Variants in GRHL1 observed in about 807,000 individuals in gnomAD.
The protein encoded by GRHL1 is grainyhead like transcription factor 1, also known as grainyhead-like protein 1 homolog.
GRHL1 carries 38 observed loss-of-function variants against 75.7 expected under a neutral mutation model. The observed-to-expected ratio is 0.50, with a 90% CI of 0.39 to 0.66. The LOEUF (loss-of-function observed/expected upper bound fraction) is 0.66, where lower values mean the gene tolerates loss of function less well. Ranked by LOEUF, GRHL1 falls within the 30% of genes least tolerant of loss-of-function variation. The pLI, the probability that GRHL1 is intolerant of heterozygous loss-of-function variation, is 0.00. For synonymous variants in GRHL1, 266 were observed against 279.4 expected, an observed-to-expected ratio of 0.95 and a Z score of 0.48; for missense variants, 589 against 767.5, an observed-to-expected ratio of 0.77 and a Z score of 2.75.
At chr2:9,963,415 A>G (rs542177357) in intron 5 of GRHL1, among the ~76,000 whole-genome samples, 2 of 152,362 alleles carry the variant, frequency 1.3e-5, no homozygotes, top group Admixed American at 1.3e-4. Flanking sequence ...CTTTAGGGGC[A>G]TATATGAGTG....
chr2:9,951,767 C>A lies in GRHL1; in HGVS notation c.-67C>A. On this transcript the variant is annotated 5_prime_UTR_variant, in exon 1 of 16. Coordinates refer to ENST00000324907, the MANE Select transcript of GRHL1 (RefSeq NM_198182.3). This position sits in a 1 kb window ranked among gnomAD's most constrained non-coding sequence, Gnocchi z 4.2. Reference sequence around the variant, plus strand: ...CAGCCGCCGCCGCCGCCTCCTCCCCCCGGATCGGGTGTACTGTCCCAACCC... The same window carrying A: ...CAGCCGCCGCCGCCGCCTCCTCCCCACGGATCGGGTGTACTGTCCCAACCC... 1.4e-6 allele frequency: 2 copies of A among 1,452,410 alleles called. No homozygotes were observed. The highest frequency in any genetic ancestry group is 1.8e-6 in the Non-Finnish European group (2 of 1,086,312). 90.0% of individuals were successfully genotyped at this position (1,452,410 alleles called of 1,614,324 possible).
chr2:9,975,467 T>A (rs1472884141), intron 8 of GRHL1, among the ~76,000 whole-genome samples: 5 of 152,202 alleles, frequency 3.3e-5, no homozygotes, highest in Non-Finnish European at 1.5e-5. Context: ...ATTCAGGGGA[T>A]ATAAATAGTC....
intron 3 of GRHL1, chr2:9,960,076 C>T (rs995713748): frequency 2.0e-5 from 3 of 152,120 alleles, no homozygotes; most frequent in African/African-American, 7.2e-5. Context: ...ATTTATCAAA[C>T]CAAAATTTAA....
At chr2:9,972,230 C>T (rs1667756880) in intron 8 of GRHL1, among the ~76,000 whole-genome samples, 1 of 151,384 alleles carries the variant, frequency 6.6e-6, no homozygotes, top group African/African-American at 2.4e-5. Context: ...CCCCTTCCTC[C>T]ACCCTGTCAC....
rs947771433 is a variant in GRHL1 at position 9,990,930 on chromosome 2, G to T, written c.1321+183G>T. On this transcript the variant is annotated intron_variant, in intron 10 of 15. Transcript: ENST00000324907. This position sits in a 1 kb window ranked among gnomAD's most constrained non-coding sequence, Gnocchi z 4.2. ...GATCAGCAGCAGATGCCAGCTCAGCGGGAGGGGTTTTCCTGGGGACTACAG... is the reference window on the plus strand; with the variant it reads ...GATCAGCAGCAGATGCCAGCTCAGCTGGAGGGGTTTTCCTGGGGACTACAG... Among the ~76,000 whole-genome samples the T allele has an allele frequency of 7.2e-6, 1 of 139,366 alleles. No individual in the cohort carries two copies. The highest frequency in any genetic ancestry group is 2.7e-5 in the African/African-American group (1 of 36,494). The allele number at this position is 139,366 out of a possible 152,430, so 91.4% of individuals were successfully genotyped here. A position where few individuals can be genotyped will look rare whatever the true frequency, so the allele number is the denominator to read the frequency against.
intron 8 of GRHL1, among the ~76,000 whole-genome samples, chr2:9,973,107 T>G (rs1667802098): frequency 6.6e-6 from 1 of 152,212 alleles, no homozygotes; most frequent in East Asian, 1.9e-4. Flanking sequence ...CTGCCAATTC[T>G]TTTTCTTTTC....
intron 13 of GRHL1, 134 bp downstream of exon 13, chr2:9,996,104 A>G: frequency 1.4e-6 from 1 of 736,088 alleles, no homozygotes; most frequent in South Asian, 1.6e-5. Context: ...ACTGACATCT[A>G]GCTTGAGCTA....
chr2:9,975,332 T>C (rs1667902541), intron 8 of GRHL1, among the ~76,000 whole-genome samples: 1 of 152,156 alleles, frequency 6.6e-6, no homozygotes, highest in Admixed American at 6.5e-5. Context: ...AAACTAAAAG[T>C]GAATACACAC....
At chr2:9,978,593 T>C (rs1362321034) in intron 8 of GRHL1, among the ~76,000 whole-genome samples, 2 of 152,230 alleles carry the variant, frequency 1.3e-5, no homozygotes, top group East Asian at 3.8e-4. Flanking sequence ...AGCTAGGCTC[T>C]TTCATTTTCC....
Position 9,998,863 on chromosome 2 carries a change from C to CGT in GRHL1, c.1678-101_1678-100dup, listed in dbSNP as rs1553307394. On this transcript the variant is annotated intron_variant, in intron 14 of 15. Transcript: ENST00000324907. Reference sequence around the variant, plus strand: ...GTATATATATGTACACATATATATACGTATATATATGTACACATATATATA... The same window carrying CGT: ...GTATATATATGTACACATATATATACGTGTATATATATGTACACATATATATA... 9 of 120,760 alleles carry CGT rather than the reference C, an allele frequency of 7.5e-5. 1 individual carries two copies. The East Asian group carries it at 1.6e-3, about 22-fold the overall frequency. The allele number at this position is 120,760 out of a possible 1,614,324, so 7.5% of individuals were successfully genotyped here. A position where few individuals can be genotyped will look rare whatever the true frequency, so the allele number is the denominator to read the frequency against.
intron 6 of GRHL1, 28 bp downstream of exon 6, chr2:9,964,070 T>C: frequency 6.3e-7 from 1 of 1,599,080 alleles, no homozygotes. Context: ...TCCTGTTCTC[T>C]AGGAAAGCTA....
intron 8 of GRHL1, among the ~76,000 whole-genome samples, chr2:9,985,679 T>C (rs943776623): frequency 2.0e-5 from 3 of 152,220 alleles, no homozygotes; most frequent in Non-Finnish European, 4.4e-5. Flanking sequence ...TTCTAAAATA[T>C]GAGGACACAG....
Position 9,986,225 on chromosome 2 carries a change from C to T in GRHL1, c.1212C>T (p.Asn404=), listed in dbSNP as rs1461176043. 1 of 1,613,812 alleles carries T rather than the reference C, an allele frequency of 6.2e-7. No homozygotes were observed. The highest frequency in any genetic ancestry group is 8.5e-7 in the Non-Finnish European group (1 of 1,179,850). ...AAGTTGATACCTATAGTTACAACAA[C>T]CGCAGCAACAAGCCTGTGCACCGGG... The part of the protein sequence containing the change: ...NIQVDTYSYN[N]RSNKPVHRAY... The change falls in exon 9 of 16, where the codon AAC becomes AAT. Residue 404 remains asparagine, a synonymous_variant. Coordinates refer to ENST00000324907, the MANE Select transcript of GRHL1 (RefSeq NM_198182.3).
rs750025069 is a variant in GRHL1, at chr2:9,999,014, A to G, written c.1727A>G (p.Lys576Arg). 1 of 1,576,334 alleles carries G rather than the reference A, an allele frequency of 6.3e-7. No homozygotes were observed. The highest frequency in any genetic ancestry group is 8.6e-7 in the Non-Finnish European group (1 of 1,156,138). Residue 576 changes from lysine (K) to arginine (R), a missense_variant, in exon 15 of 16, where the codon AAG becomes AGG. Physicochemically the swap from Lys to Arg is conservative, Grantham distance 26. Coordinates refer to ENST00000324907, the MANE Select transcript of GRHL1 (RefSeq NM_198182.3). ...VPHDKIGKIF[K>R]KCKKGILVNM... Reference sequence around the variant, plus strand: ...CATGACAAGATTGGGAAAATATTCAAGAAGTGTAAAAAGGGGTAAGCAGCC... The same window carrying G: ...CATGACAAGATTGGGAAAATATTCAGGAAGTGTAAAAAGGGGTAAGCAGCC...
chr2:9,992,405 A>G lies in GRHL1; in HGVS notation c.1461+259A>G, dbSNP rs1338047876. 6.6e-6 allele frequency among the ~76,000 whole-genome samples: 1 copy of G among 152,224 alleles called. No individual in the cohort carries two copies. Among genetic ancestry groups the G allele is most frequent in the Non-Finnish European group, 1.5e-5 (1 of 68,040 alleles). ...ATTCATTCGTTCGTTCTTCATACCT[A>G]CATATCCTAGCTCATTTAAAAGATT... On this transcript the variant is annotated intron_variant, in intron 11 of 15. Coordinates refer to ENST00000324907, the MANE Select transcript of GRHL1 (RefSeq NM_198182.3). The surrounding 1 kb of genome is among the most constrained non-coding windows in gnomAD (Gnocchi z 4.6).
Position 9,992,686 on chromosome 2 carries a change from C to T in GRHL1, c.1462-521C>T, listed in dbSNP as rs963652596. Among the ~76,000 whole-genome samples, 1 of 152,188 alleles carries T rather than the reference C, an allele frequency of 6.6e-6. No homozygotes were observed. Among genetic ancestry groups the T allele is most frequent in the African/African-American group, 2.4e-5 (1 of 41,428 alleles). On this transcript the variant is annotated intron_variant, in intron 11 of 15. Coordinates refer to ENST00000324907, the MANE Select transcript of GRHL1 (RefSeq NM_198182.3). The surrounding 1 kb of genome is among the most constrained non-coding windows in gnomAD (Gnocchi z 4.6). ...GGATAGAAACTTCAGTAGAATGAAG[C>T]ATGGTTTTATGCTGAGTGCAAATAA...
intron 14 of GRHL1, 138 bp from the exon 15 acceptor site, chr2:9,998,827 T>TATATATACGTATATATATGTACAC (rs1558321499): frequency 4.3e-4 from 31 of 71,582 alleles, no homozygotes; most frequent in East Asian, 1.5e-3. Flanking sequence ...TATGTACACA[T>TATATATACGTATATATATGTACAC]ATATATATAC....
chr2:9,974,175 C>T (rs949902802), intron 8 of GRHL1, among the ~76,000 whole-genome samples: 13 of 152,226 alleles, frequency 8.5e-5, no homozygotes, highest in African/African-American at 2.9e-4. Flanking sequence ...GCTTTGTCAC[C>T]TGTTTAACTG....
chr2:9,954,757 A>C (rs1424306608), intron 1 of GRHL1, 158 bp from the exon 2 acceptor site: 1 of 700,446 alleles, frequency 1.4e-6, no homozygotes, highest in Non-Finnish European at 2.5e-6. Context: ...ATTGGTCTGC[A>C]CTTACGTGGT....
Sources: gnomAD v4.1 joint callset for allele counts (sites outside exome capture counted in the v4.1 genomes callset) on GRCh38, gnomAD v4.1.1 for gene constraint, Gnocchi (gnomAD v3.1) non-coding constraint, MANE v1.5 for transcripts, NCBI Gene and HGNC (gene_info 2026-07-23, HGNC 2026-07-21) for gene names.